Variants in MAGI2 observed in about 807,000 individuals in gnomAD.
MAGI2 encodes membrane associated guanylate kinase, WW and PDZ domain containing 2, also known as membrane-associated guanylate kinase, WW and PDZ domain-containing protein 2.
In MAGI2, 35 loss-of-function variants were observed where a neutral mutation model predicts 133.3. The observed-to-expected ratio is 0.26, with a 90% CI of 0.20 to 0.35. The LOEUF (loss-of-function observed/expected upper bound fraction) is 0.35. MAGI2 is among the 10% of genes least tolerant of loss of function. MAGI2 has a pLI of 1.00. For synonymous variants in MAGI2, 729 were observed against 710.6 expected, an observed-to-expected ratio of 1.03 and a Z score of -0.41; for missense variants, 1,636 against 1,863.4, an observed-to-expected ratio of 0.88 and a Z score of 2.25.
chr7:79,045,518 G>A (rs1430175977), intron 1 of MAGI2, among the ~76,000 whole-genome samples: 2 of 152,166 alleles, frequency 1.3e-5, no homozygotes, highest in Non-Finnish European at 2.9e-5. Context: ...TGTAGAGATG[G>A]CAAACAGGTT....
chr7:79,439,452 ACT>A (rs1848359082), intron 1 of MAGI2, among the ~76,000 whole-genome samples: 1 of 151,866 alleles, frequency 6.6e-6, no homozygotes, highest in African/African-American at 2.4e-5. Context: ...CAAGATCCAC[ACT>A]CTCTATATTA....
At position 78,154,292 on chromosome 7, in the gene MAGI2, A is replaced by G. The variant is rs142767347; in HGVS notation, c.2845+5733T>C. ...GATTGCAGTGGCCTTAGGGAAAGTC[A>G]AGAATGACCAGGTCCAAACTTCAAC... On this transcript the variant is annotated intron_variant, in intron 16 of 21. Transcript: ENST00000354212. Among the ~76,000 whole-genome samples the G allele has an allele frequency of 4.8e-3, 733 of 152,340 alleles. 7 individuals are homozygous for G. The highest frequency in any genetic ancestry group is 0.016 in the African/African-American group (676 of 41,574).
chr7:78,214,161 A>G (rs533278263), intron 10 of MAGI2, among the ~76,000 whole-genome samples: 1 of 152,128 alleles, frequency 6.6e-6, no homozygotes, highest in African/African-American at 2.4e-5. Flanking sequence ...TGATTTGTCT[A>G]TTTCAGACTT....
intron 6 of MAGI2, among the ~76,000 whole-genome samples, chr7:78,448,067 C>T (rs530091630): frequency 2.0e-4 from 31 of 152,214 alleles, no homozygotes; most frequent in African/African-American, 7.0e-4. Flanking sequence ...TAATGCCCTC[C>T]AGTTCATCCA....
chr7:79,277,067 G>A (rs1355953697), intron 1 of MAGI2, among the ~76,000 whole-genome samples: 2 of 152,088 alleles, frequency 1.3e-5, no homozygotes, highest in Non-Finnish European at 2.9e-5. Context: ...TTCTACTGTA[G>A]GTAAAATGCT....
At chr7:78,871,265 C>T (rs1180652300) in intron 2 of MAGI2, among the ~76,000 whole-genome samples, 1 of 152,008 alleles carries the variant, frequency 6.6e-6, no homozygotes, top group Non-Finnish European at 1.5e-5. Flanking sequence ...GAGCCAAGAT[C>T]GCGCCACTGC....
At chr7:78,083,923 AG>A (rs1816337528) in intron 20 of MAGI2, among the ~76,000 whole-genome samples, 1 of 152,224 alleles carries the variant, frequency 6.6e-6, no homozygotes, top group Non-Finnish European at 1.5e-5. Flanking sequence ...TTTGTAGCCA[AG>A]TCATATATAA....
intron 2 of MAGI2, among the ~76,000 whole-genome samples, chr7:78,727,257 GAAGA>G (rs778003846): frequency 8.5e-5 from 13 of 152,114 alleles, no homozygotes; most frequent in Non-Finnish European, 1.8e-4. Context: ...GTGTGGTATG[GAAGA>G]GAGAGAGAGA....
At chr7:79,193,642 A>T (rs1055971654) in intron 1 of MAGI2, among the ~76,000 whole-genome samples, 23 of 151,950 alleles carry the variant, frequency 1.5e-4, no homozygotes, top group Non-Finnish European at 5.9e-5. Flanking sequence ...TAAATATCAA[A>T]TTAAAAATAC....
chr7:79,334,380 T>C (rs1840288756), intron 1 of MAGI2, among the ~76,000 whole-genome samples: 1 of 152,190 alleles, frequency 6.6e-6, no homozygotes, highest in African/African-American at 2.4e-5. Flanking sequence ...TTTTGAATTT[T>C]AATTGTATTT....
chr7:78,619,776 A>G (rs925222000), intron 3 of MAGI2, among the ~76,000 whole-genome samples: 6 of 151,804 alleles, frequency 4.0e-5, no homozygotes, highest in Non-Finnish European at 8.8e-5. Flanking sequence ...AAATTGAATC[A>G]CTCACCAAAA....
intron 2 of MAGI2, among the ~76,000 whole-genome samples, chr7:78,733,430 T>G (rs1585229285): frequency 6.6e-6 from 1 of 152,188 alleles, no homozygotes; most frequent in East Asian, 1.9e-4. Flanking sequence ...TATTTACAAT[T>G]GTGTGGACAC....
intron 2 of MAGI2, among the ~76,000 whole-genome samples, chr7:78,854,651 T>C (rs1793467313): frequency 8.1e-6 from 1 of 123,460 alleles, no homozygotes; most frequent in Non-Finnish European, 1.9e-5. Flanking sequence ...TCTGGATTCC[T>C]TTTTTTTTTT....
intron 2 of MAGI2, among the ~76,000 whole-genome samples, chr7:78,966,602 A>G (rs1359629271): frequency 1.3e-5 from 2 of 152,090 alleles, no homozygotes; most frequent in East Asian, 3.9e-4. Context: ...TGTTTCCACA[A>G]CTTGGCTATT....
intron 1 of MAGI2, among the ~76,000 whole-genome samples, chr7:79,290,563 T>C (rs1836392942): frequency 6.6e-6 from 1 of 152,010 alleles, no homozygotes. Context: ...AAATTTGCTT[T>C]CCCTCATTTT....
rs185321979 is a variant in MAGI2, at chr7:78,764,250, A to G, written c.419-137011T>C. ...CTTTCAATAAACCTCAATTAAAGTG[A>G]TCAATATTGCTAAAACAATCTTTAA... On this transcript the variant is annotated intron_variant, in intron 2 of 21. Coordinates refer to ENST00000354212, the MANE Select transcript of MAGI2 (RefSeq NM_012301.4). Among the ~76,000 whole-genome samples, 132 of 152,172 alleles carry G rather than the reference A, an allele frequency of 8.7e-4. No individual in the cohort carries two copies. In the East Asian group the frequency reaches 0.011, roughly 13 times the overall value.
At chr7:79,268,074 C>T (rs1834614708) in intron 1 of MAGI2, among the ~76,000 whole-genome samples, 1 of 152,150 alleles carries the variant, frequency 6.6e-6, no homozygotes, top group Non-Finnish European at 1.5e-5. Context: ...TGTGCTCCTT[C>T]TGGAGAAGCT....
chr7:79,206,694 G>C (rs1168546865), intron 1 of MAGI2, among the ~76,000 whole-genome samples: 1 of 151,626 alleles, frequency 6.6e-6, no homozygotes, highest in Non-Finnish European at 1.5e-5. Flanking sequence ...GAAAAGGAAG[G>C]ACTACTTCCA....
In MAGI2 at chr7:78,085,583, A is replaced by ACACAC. The variant is rs59163698; in HGVS notation, c.3568-6499_3568-6498insGTGTG. Among the ~76,000 whole-genome samples the ACACAC allele has an allele frequency of 9.7e-3, 1,026 of 105,276 alleles. 15 individuals carry two copies. The highest frequency in any genetic ancestry group is 0.069 in the East Asian group (312 of 4,506). The allele number at this position is 105,276 out of a possible 152,430, so 69.1% of individuals were successfully genotyped here. The stretch of plus-strand genomic sequence containing the variant: ...ACACACACACACACACACACACACA[A>ACACAC]ACAAAACAAAATCAAACCCAAAAAA... On this transcript the variant is annotated intron_variant, in intron 20 of 21. Transcript: ENST00000354212.
Sources: allele counts gnomAD v4.1 joint callset (sites outside exome capture counted in the v4.1 genomes callset), GRCh38; gene constraint gnomAD v4.1.1; transcripts MANE v1.5; gene names NCBI Gene and HGNC (gene_info 2026-07-23, HGNC 2026-07-21).